The following PTPRH variants were observed in gnomAD, a reference collection of about 807,000 sequenced individuals.
PTPRH encodes the protein receptor-type tyrosine-protein phosphatase H.
In PTPRH, 113 loss-of-function variants were observed where a neutral mutation model predicts 130.2. That is an observed-to-expected ratio of 0.87 (90% CI 0.75 to 1.01). The LOEUF (loss-of-function observed/expected upper bound fraction) is 1.01. PTPRH is among the 50% of genes least tolerant of loss of function. The probability of loss-of-function intolerance (pLI) is 0.00; values close to 1 mark genes in which losing one functional copy is unlikely to be tolerated. For synonymous variants in PTPRH, 556 were observed against 577.9 expected (o/e 0.96, Z 0.54); for missense variants, 1,430 against 1,425.0 (o/e 1.00, Z -0.06).
intron 5 of PTPRH, 70 bp downstream of exon 5, chr19:55,203,712 T>C: frequency 6.7e-7 from 1 of 1,497,610 alleles, no homozygotes; most frequent in Admixed American, 2.1e-5. Flanking sequence ...TCACATTTTG[T>C]CAGCTCCCAA....
intron 12 of PTPRH, among the ~76,000 whole-genome samples, chr19:55,189,284 C>T (rs1354751684): frequency 1.3e-5 from 2 of 152,364 alleles, no homozygotes; most frequent in African/African-American, 2.4e-5. Context: ...CCACGCCTGG[C>T]CTCTTGTCTG....
chr19:55,191,730 C>T lies in PTPRH; in HGVS notation c.2269G>A (p.Gly757Arg), dbSNP rs149782479. ...CHTESAGVIA[G>R]AFVGILLFLI... The stretch of plus-strand genomic sequence containing the variant: ...AACAGGAGGATGCCCACAAAGGCTC[C>T]GGCAATGACCCCTGTGGGGAGGAGG... The change falls in exon 11 of 20, where the codon GGA (glycine) becomes AGA (arginine). Residue 757 changes from glycine (G) to arginine (R), a missense_variant. Physicochemically the swap from Gly to Arg is moderately radical, Grantham distance 125. Transcript: ENST00000376350. The T allele has an allele frequency of 3.0e-5, 49 of 1,613,708 alleles. No individual in the cohort carries two copies. Among genetic ancestry groups the T allele is most frequent in the African/African-American group, 2.3e-4 (17 of 74,912 alleles).
At chr19:55,186,640 A>ACAGGCAGAGAGACACAGAGAGGCACAG (rs1555875420) in intron 14 of PTPRH, 100 bp from the exon 15 acceptor site, 1 of 1,155,872 alleles carries the variant, frequency 8.7e-7, no homozygotes, top group Non-Finnish European at 1.2e-6. Flanking sequence ...AGACAAGACC[A>ACAGGCAGAGAGACACAGAGAGGCACAG]AGACCCATGG....
At chr19:55,188,699 A>C (rs961987804) in intron 12 of PTPRH, among the ~76,000 whole-genome samples, 3 of 151,974 alleles carry the variant, frequency 2.0e-5, no homozygotes, top group African/African-American at 7.3e-5. Context: ...CCCTGTCTGT[A>C]ATTGCAAAGG....
chr19:55,206,734 T>C lies in PTPRH; in HGVS notation c.307A>G (p.Lys103Glu), dbSNP rs1354999988. 2.5e-6 allele frequency: 4 copies of C among 1,613,032 alleles called. No homozygotes were observed. The East Asian group carries it at 6.7e-5, about 27-fold the overall frequency. The change falls in exon 3 of 20, where the codon AAA (lysine) becomes GAA (glutamate). Residue 103 changes from lysine to glutamate, a missense_variant. Physicochemically the swap from Lys to Glu is moderately conservative, Grantham distance 56 (BLOSUM62 1). Coordinates refer to ENST00000376350, the MANE Select transcript of PTPRH (RefSeq NM_002842.5). The part of the protein sequence containing the change: ...SLYTCSVWVE[K>E]DGVNSSVGTV... Reference sequence around the variant, plus strand: ...CCCACAGAGCTATTTACTCCGTCTTTCTCCACCCACACAGAACACGTATAC... The same window carrying C: ...CCCACAGAGCTATTTACTCCGTCTTCCTCCACCCACACAGAACACGTATAC...
rs374140224 is a variant in PTPRH, at chr19:55,196,637, C to A, written c.2142G>T (p.Glu714Asp). Residue 714 changes from glutamate (E) to aspartate (D), a missense_variant, in exon 10 of 20, where the codon GAG becomes GAT. Transcript: ENST00000376350. ...GCCCGAGACCCAACACAGACACAGC[C>A]TCCCCACATGAAGATCTGTCCTGGG... ...RGSQDRSSCG[E>D]AVSVLGLGPA... 1.1e-5 allele frequency: 17 copies of A among 1,614,096 alleles called. No homozygotes were observed. The highest frequency in any genetic ancestry group is 1.4e-5 in the Non-Finnish European group (17 of 1,180,022).
At chr19:55,201,741 T>C (rs1413506251) in intron 6 of PTPRH, among the ~76,000 whole-genome samples, 1 of 152,190 alleles carries the variant, frequency 6.6e-6, no homozygotes, top group Non-Finnish European at 1.5e-5. Flanking sequence ...CCACTCACAG[T>C]ATCTAATTCC....
intron 12 of PTPRH, among the ~76,000 whole-genome samples, chr19:55,190,599 TATTATA>T (rs2086505985): frequency 8.9e-6 from 1 of 112,618 alleles, no homozygotes; most frequent in East Asian, 2.0e-4. Context: ...TAAATTTATA[TATTATA>T]TATTATATAT....
At chr19:55,208,400 T>C (rs1264997163) in intron 1 of PTPRH, among the ~76,000 whole-genome samples, 6 of 5,414 alleles carry the variant, frequency 1.1e-3, no homozygotes, top group African/African-American at 2.4e-3. Flanking sequence ...GACTCCTGAG[T>C]CTGAGGGAGG....
At chr19:55,181,966 G>T in intron 19 of PTPRH, 50 bp downstream of exon 19, 1 of 1,613,584 alleles carries the variant, frequency 6.2e-7, no homozygotes. Flanking sequence ...GAGCCCCAGG[G>T]TCCCTCGTCC....
chr19:55,209,501 C>G lies in PTPRH; in HGVS notation c.-68G>C, dbSNP rs527313609. On this transcript the variant is annotated 5_prime_UTR_variant, in exon 1 of 20. Transcript: ENST00000376350. This position sits in a 1 kb window ranked among gnomAD's most constrained non-coding sequence, Gnocchi z 4.1. ...CCTTCCACCTGCTGGACTTTACACT[C>G]AAGAATTTCCCCTTTACCAGATCAT... The G allele has an allele frequency of 5.3e-6, 6 of 1,127,816 alleles. No homozygotes were observed. The African/African-American group carries it at 7.8e-5, about 15-fold the overall frequency. The allele number at this position is 1,127,816 out of a possible 1,614,324, so 69.9% of individuals were successfully genotyped here. A position where few individuals can be genotyped will look rare whatever the true frequency, so the allele number is the denominator to read the frequency against.
chr19:55,187,997 T>C (rs2086412535), intron 13 of PTPRH, 81 bp downstream of exon 13: 1 of 792,732 alleles, frequency 1.3e-6, no homozygotes, highest in Non-Finnish European at 2.0e-6. Context: ...CCGAAAGCCG[T>C]GAGGTCTGGC....
At position 55,202,075 on chromosome 19, in the gene PTPRH, C is replaced by G; in HGVS notation, c.1134G>C (p.Glu378Asp). ...TCTCACCTGTGGTGGCATTTCGAGT[C>G]TCCCGGGAGCTGTTGATTCCATTCT... ...VGKNGINSSRETRNATTAPNP... is the reference protein window; with the variant it reads ...VGKNGINSSRDTRNATTAPNP... Residue 378 changes from glutamate to aspartate, a missense_variant, in exon 6 of 20, where the codon GAG becomes GAC. Physicochemically the swap from Glu to Asp is conservative, Grantham distance 45. Coordinates refer to ENST00000376350, the MANE Select transcript of PTPRH (RefSeq NM_002842.5). 6.2e-7 allele frequency: 1 copy of G among 1,614,166 alleles called. No homozygotes were observed. Among genetic ancestry groups the G allele is most frequent in the Non-Finnish European group, 8.5e-7 (1 of 1,180,004 alleles).
intron 3 of PTPRH, among the ~76,000 whole-genome samples, chr19:55,206,308 GTTTTCTT>G (rs1399802662): frequency 1.5e-5 from 2 of 129,500 alleles, no homozygotes; most frequent in African/African-American, 5.9e-5. Flanking sequence ...CTTTTCTTTT[GTTTTCTT>G]TTGTTTTCTT....
chr19:55,186,589 C>T, intron 14 of PTPRH, 49 bp from the exon 15 acceptor site: 2 of 1,598,866 alleles, frequency 1.3e-6, no homozygotes, highest in Non-Finnish European at 1.7e-6. Context: ...CAGAGAGGCA[C>T]AGAGACAAGA....
chr19:55,207,406 AGGGAGC>A (rs1446583546), intron 1 of PTPRH: 16 of 575,242 alleles, frequency 2.8e-5, no homozygotes, highest in Non-Finnish European at 5.0e-5. Context: ...AGCAGAGCTT[AGGGAGC>A]TGGGGTTGGC....
chr19:55,203,151 A>AT (rs1555881027), intron 5 of PTPRH, among the ~76,000 whole-genome samples: 1 of 149,482 alleles, frequency 6.7e-6, no homozygotes, highest in Non-Finnish European at 1.5e-5. Flanking sequence ...ACACGGTGAA[A>AT]CCCGTCTCTA....
At chr19:55,189,446 C>A (rs2086458623) in intron 12 of PTPRH, among the ~76,000 whole-genome samples, 1 of 152,222 alleles carries the variant, frequency 6.6e-6, no homozygotes, top group Admixed American at 6.5e-5. Flanking sequence ...TGTGGCCCCA[C>A]TGACGTCTCT....
intron 13 of PTPRH, 107 bp downstream of exon 13, chr19:55,187,971 C>A: frequency 1.3e-6 from 1 of 761,478 alleles, no homozygotes; most frequent in Non-Finnish European, 2.3e-6. Flanking sequence ...ATATGTGATG[C>A]TACTTTTGCT....
Sources: allele counts gnomAD v4.1 joint callset (sites outside exome capture counted in the v4.1 genomes callset), GRCh38; gene constraint gnomAD v4.1.1; non-coding constraint Gnocchi (gnomAD v3.1); transcripts MANE v1.5; gene names NCBI Gene and HGNC (gene_info 2026-07-23, HGNC 2026-07-21).